Variants in PPP4R1 observed in about 807,000 individuals in gnomAD.
PPP4R1 encodes protein phosphatase 4 regulatory subunit 1.
In PPP4R1, 42 loss-of-function variants were observed where a neutral mutation model predicts 111.2. The observed-to-expected ratio is 0.38, with a 90% CI of 0.29 to 0.49. PPP4R1 has a LOEUF of 0.49. Ranked by LOEUF, PPP4R1 falls within the 20% of genes least tolerant of loss-of-function variation. The probability of loss-of-function intolerance (pLI) is 0.97; values close to 1 mark genes in which losing one functional copy is unlikely to be tolerated. For missense variants in PPP4R1, 1,012 were observed against 1,161.6 expected, an observed-to-expected ratio of 0.87 and a Z score of 1.87; for synonymous variants, 409 against 405.5, an observed-to-expected ratio of 1.01 and a Z score of -0.10.
At chr18:9,603,683 C>T (rs2067431103) in intron 2 of PPP4R1, among the ~76,000 whole-genome samples, 2 of 152,038 alleles carry the variant, frequency 1.3e-5, no homozygotes. Context: ...AGCTGCTGGT[C>T]TATGTTGCCA....
chr18:9,555,251 A>G (rs1415655994), intron 15 of PPP4R1, among the ~76,000 whole-genome samples: 1 of 152,142 alleles, frequency 6.6e-6, no homozygotes, highest in Non-Finnish European at 1.5e-5. Context: ...GCAGTGAGCC[A>G]TGATTGCATC....
At chr18:9,612,807 C>G (rs1407374588) in intron 2 of PPP4R1, 2 of 152,200 alleles carry the variant, frequency 1.3e-5, no homozygotes, top group East Asian at 3.8e-4. Context: ...CTGCCCTTCA[C>G]TACATGAGTA....
chr18:9,595,667 A>T (rs1336564309), intron 2 of PPP4R1, among the ~76,000 whole-genome samples: 1 of 152,216 alleles, frequency 6.6e-6, no homozygotes, highest in Non-Finnish European at 1.5e-5. Flanking sequence ...CAATGAAAAT[A>T]CTAATGTTTC....
intron 10 of PPP4R1, among the ~76,000 whole-genome samples, chr18:9,572,277 A>G (rs2066874640): frequency 6.6e-6 from 1 of 152,240 alleles, no homozygotes; most frequent in Non-Finnish European, 1.5e-5. Flanking sequence ...TTAATAAAGA[A>G]TAACACAACT....
At chr18:9,555,127 A>G (rs1411544077) in intron 15 of PPP4R1, among the ~76,000 whole-genome samples, 2 of 152,028 alleles carry the variant, frequency 1.3e-5, no homozygotes, top group African/African-American at 4.8e-5. Context: ...ACATAGTGAA[A>G]CCCTATCCCT....
At chr18:9,588,548 A>G (rs1223349722) in intron 5 of PPP4R1, among the ~76,000 whole-genome samples, 163 bp downstream of exon 5, 1 of 152,240 alleles carries the variant, frequency 6.6e-6, no homozygotes, top group Non-Finnish European at 1.5e-5. Flanking sequence ...ATGGCATTAA[A>G]GGGATCTACT....
chr18:9,550,326 A>C lies in PPP4R1; in HGVS notation c.2364T>G (p.Asn788Lys), dbSNP rs1262476043. The change falls in exon 17 of 20, where the codon AAT (asparagine) becomes AAG (lysine). Residue 788 changes from asparagine (N) to lysine (K), a missense_variant. Coordinates refer to ENST00000400556, the MANE Select transcript of PPP4R1 (RefSeq NM_001042388.3). ...CAGAAGAAACTTTGTCTGCACACAG[A>C]TTCAGAGCAATGGGACGTAAATAGT... ...VYDYLRPIALNLCADKVSSVR... is the reference protein window; with the variant it reads ...VYDYLRPIALKLCADKVSSVR... 6 of 1,613,572 alleles carry C rather than the reference A, an allele frequency of 3.7e-6. No individual in the cohort carries two copies. Among genetic ancestry groups the C allele is most frequent in the Non-Finnish European group, 5.1e-6 (6 of 1,179,552 alleles).
intron 14 of PPP4R1, 74 bp from the exon 15 acceptor site, chr18:9,557,456 G>T (rs1279638193): frequency 2.6e-5 from 34 of 1,300,394 alleles, no homozygotes; most frequent in Non-Finnish European, 3.4e-5. Flanking sequence ...AATATACAAA[G>T]GCTAATTTAT....
intron 3 of PPP4R1, 194 bp downstream of exon 3, chr18:9,594,824 C>A: frequency 7.9e-6 from 4 of 507,624 alleles, no homozygotes; most frequent in South Asian, 5.6e-5. Context: ...GCAAAGAAAG[C>A]ATGTTGTATG....
intron 2 of PPP4R1, among the ~76,000 whole-genome samples, chr18:9,604,608 T>C (rs1258879740): frequency 1.3e-5 from 2 of 152,170 alleles, no homozygotes; most frequent in African/African-American, 2.4e-5. Flanking sequence ...TACCTATTAC[T>C]AACAACACCC....
chr18:9,566,023 G>A (rs540575011), intron 11 of PPP4R1, among the ~76,000 whole-genome samples: 2 of 151,816 alleles, frequency 1.3e-5, no homozygotes, highest in African/African-American at 4.8e-5. Flanking sequence ...CAATTCTCCT[G>A]CCCCAGCCTC....
intron 2 of PPP4R1, among the ~76,000 whole-genome samples, chr18:9,598,168 CATCA>C (rs1206356264): frequency 6.6e-6 from 1 of 152,064 alleles, no homozygotes; most frequent in Non-Finnish European, 1.5e-5. Context: ...GAGAATTAAG[CATCA>C]ATCAATTGTA....
intron 11 of PPP4R1, among the ~76,000 whole-genome samples, chr18:9,565,611 T>C (rs1320213870): frequency 6.6e-6 from 1 of 152,252 alleles, no homozygotes; most frequent in African/African-American, 2.4e-5. Flanking sequence ...ATTGCTGATA[T>C]GCAGAAAGTT....
intron 6 of PPP4R1, chr18:9,587,546 G>GC: frequency 6.6e-6 from 1 of 152,276 alleles, no homozygotes; most frequent in Non-Finnish European, 1.5e-5. Flanking sequence ...GGGATTACAA[G>GC]CATGTGCCAC....
At position 9,556,034 on chromosome 18, in the gene PPP4R1, A is replaced by G. The variant is rs556368008; in HGVS notation, c.2190+1187T>C. 4.2e-3 allele frequency among the ~76,000 whole-genome samples: 627 copies of G among 150,776 alleles called. 1 individual carries two copies. The highest frequency in any genetic ancestry group is 5.8e-3 in the Non-Finnish European group (391 of 67,630). Reference sequence around the variant, plus strand: ...AAATCGGCCGGGCTTAGTGGCACGCACCTGTAGTCCCAGCTACTCAGGAGG... The same window carrying G: ...AAATCGGCCGGGCTTAGTGGCACGCGCCTGTAGTCCCAGCTACTCAGGAGG... On this transcript the variant is annotated intron_variant, in intron 15 of 19. Transcript: ENST00000400556.
chr18:9,568,714 T>C (rs2066810903), intron 11 of PPP4R1, among the ~76,000 whole-genome samples: 2 of 152,186 alleles, frequency 1.3e-5, no homozygotes, highest in Admixed American at 1.3e-4. Flanking sequence ...CAACTGGTAA[T>C]CTTTTGTTCA....
At chr18:9,561,124 C>T (rs911001237) in intron 13 of PPP4R1, among the ~76,000 whole-genome samples, 1 of 149,244 alleles carries the variant, frequency 6.7e-6, no homozygotes, top group Non-Finnish European at 1.5e-5. Context: ...GAGGCTGAGG[C>T]AGGAGAACTG....
intron 4 of PPP4R1, 47 bp downstream of exon 4, chr18:9,593,721 A>G: frequency 6.6e-7 from 1 of 1,522,430 alleles, no homozygotes; most frequent in African/African-American, 1.4e-5. Flanking sequence ...AAATTTGATC[A>G]AAGAAGCCTT....
chr18:9,601,315 G>C (rs974656508), intron 2 of PPP4R1, among the ~76,000 whole-genome samples: 1 of 151,468 alleles, frequency 6.6e-6, no homozygotes, highest in Admixed American at 6.6e-5. Context: ...TTAGAGGTTA[G>C]GAGTTCGAGA....
Sources: gnomAD v4.1 joint callset for allele counts (sites outside exome capture counted in the v4.1 genomes callset) on GRCh38, gnomAD v4.1.1 for gene constraint, MANE v1.5 for transcripts, NCBI Gene and HGNC (gene_info 2026-07-23, HGNC 2026-07-21) for gene names.